Variants in VOPP1 observed in about 807,000 individuals in gnomAD.
VOPP1 encodes the protein WW domain binding protein VOPP1.
In VOPP1, 8 loss-of-function variants were observed where a neutral mutation model predicts 23.5. The ratio of observed to expected loss-of-function variants is 0.34; its 90% CI spans 0.20 to 0.61. The LOEUF is 0.61. Ranked by LOEUF, VOPP1 falls within the 20% of genes least tolerant of loss-of-function variation. The pLI is 0.78. For missense variants in VOPP1, 174 were observed against 238.1 expected (o/e 0.73, Z 1.77); for synonymous variants, 83 against 97.3 (o/e 0.85, Z 0.86).
intron 2 of VOPP1, among the ~76,000 whole-genome samples, chr7:55,510,615 C>G (rs983594562): frequency 6.8e-6 from 1 of 146,636 alleles, no homozygotes; most frequent in Non-Finnish European, 1.5e-5. Flanking sequence ...AACTTAACCA[C>G]TCAGTCAGTA....
chr7:55,536,522 G>A (rs948965882), intron 1 of VOPP1, among the ~76,000 whole-genome samples: 1 of 152,074 alleles, frequency 6.6e-6, no homozygotes, highest in Non-Finnish European at 1.5e-5. Context: ...GTGACACTCT[G>A]TCTCAAACAA....
At chr7:55,537,785 C>T (rs1796889369) in intron 1 of VOPP1, 3 of 1,209,728 alleles carry the variant, frequency 2.5e-6, no homozygotes, top group Non-Finnish European at 3.3e-6. Flanking sequence ...CACCAAGGAA[C>T]ATGCACTTCC....
At chr7:55,516,094 T>C (rs1017991221) in intron 2 of VOPP1, 5 of 825,668 alleles carry the variant, frequency 6.1e-6, no homozygotes, top group Non-Finnish European at 7.3e-6. Flanking sequence ...ACACAGCCAC[T>C]TGCTATTTTT....
At chr7:55,516,046 G>A in intron 2 of VOPP1, 2 of 985,346 alleles carry the variant, frequency 2.0e-6, no homozygotes, top group South Asian at 9.4e-5. Context: ...TCAACTCGAG[G>A]AGAGAATGCA....
intron 4 of VOPP1, among the ~76,000 whole-genome samples, chr7:55,482,341 G>GTCCCTTA (rs1562907538): frequency 8.1e-6 from 1 of 123,836 alleles, no homozygotes. Flanking sequence ...GAGGAAGAAG[G>GTCCCTTA]GAGGTATTTT....
chr7:55,453,244 C>T (rs941080459), intron 4 of VOPP1, among the ~76,000 whole-genome samples: 10 of 152,232 alleles, frequency 6.6e-5, no homozygotes, highest in African/African-American at 2.4e-4. Context: ...TCACCTCTTT[C>T]AGCCTCCATA....
chr7:55,533,881 TGGTG>T (rs1796629862), intron 1 of VOPP1, among the ~76,000 whole-genome samples: 2 of 152,120 alleles, frequency 1.3e-5, no homozygotes, highest in Admixed American at 1.3e-4. Context: ...ACCCAGTGTG[TGGTG>T]GGTGGGTAGG....
intron 4 of VOPP1, among the ~76,000 whole-genome samples, chr7:55,489,269 G>A (rs1793380169): frequency 1.3e-5 from 2 of 152,214 alleles, no homozygotes; most frequent in African/African-American, 4.8e-5. Context: ...CCTGGGATCA[G>A]CCACACCGTT....
intron 4 of VOPP1, among the ~76,000 whole-genome samples, chr7:55,436,645 C>CGTGGGTGGGTGTGTGTGCGTGCGTGG (rs71031855): frequency 6.7e-6 from 1 of 148,992 alleles, no homozygotes; most frequent in Non-Finnish European, 1.5e-5. Flanking sequence ...TGTGTGCGTG[C>CGTGGGTGGGTGTGTGTGCGTGCGTGG]GTGGGTGTGT....
intron 2 of VOPP1, among the ~76,000 whole-genome samples, chr7:55,515,006 G>A (rs1279091255): frequency 1.3e-5 from 2 of 152,174 alleles, no homozygotes; most frequent in Non-Finnish European, 2.9e-5. Context: ...TCTGTCAGCT[G>A]TGGAGGAGCC....
chr7:55,521,580 C>A, intron 1 of VOPP1: 1 of 988,210 alleles, frequency 1.0e-6, no homozygotes, highest in Non-Finnish European at 1.2e-6. Context: ...TTCCGACCTA[C>A]GTCTGCAAGA....
chr7:55,525,795 A>T lies in VOPP1; in HGVS notation c.55-4665T>A, dbSNP rs867419334. Among the ~76,000 whole-genome samples, 1,318 of 144,082 alleles carry T rather than the reference A, an allele frequency of 9.1e-3. 27 individuals carry two copies. The highest frequency in any genetic ancestry group is 0.024 in the African/African-American group (930 of 38,486). 94.5% of individuals were successfully genotyped at this position (144,082 alleles called of 152,430 possible). A position where few individuals can be genotyped will look rare whatever the true frequency, so the allele number is the denominator to read the frequency against. On this transcript the variant is annotated intron_variant, in intron 1 of 4. Transcript: ENST00000285279. ...TAAAAGGAAAAAACCTCTCTAAAAA[A>T]AAAAAAAAAAAAAAAAAAAAACCTT...
At chr7:55,487,527 A>T (rs1427690047) in intron 4 of VOPP1, among the ~76,000 whole-genome samples, 1 of 152,168 alleles carries the variant, frequency 6.6e-6, no homozygotes, top group Non-Finnish European at 1.5e-5. Context: ...GCTTAATCAC[A>T]GTACACTACA....
intron 1 of VOPP1, chr7:55,530,741 A>G (rs1796452372): frequency 6.6e-6 from 1 of 152,196 alleles, no homozygotes; most frequent in Non-Finnish European, 1.5e-5. Context: ...AACTAAAATG[A>G]CTGAATCCAC....
intron 4 of VOPP1, among the ~76,000 whole-genome samples, chr7:55,442,913 G>A (rs1475306918): frequency 1.3e-5 from 2 of 152,014 alleles, no homozygotes; most frequent in African/African-American, 2.4e-5. Context: ...TCAGGAGATC[G>A]AGACCATCCT....
intron 2 of VOPP1, among the ~76,000 whole-genome samples, chr7:55,510,866 C>T (rs1201096327): frequency 6.6e-6 from 1 of 152,086 alleles, no homozygotes; most frequent in Non-Finnish European, 1.5e-5. Context: ...CTCTGCTCCA[C>T]CCCGCTTCAA....
intron 4 of VOPP1, among the ~76,000 whole-genome samples, chr7:55,437,328 T>C (rs1274062305): frequency 6.6e-6 from 1 of 152,214 alleles, no homozygotes; most frequent in East Asian, 1.9e-4. Flanking sequence ...GAGGAACTTA[T>C]TTTGAGTCCT....
intron 4 of VOPP1, among the ~76,000 whole-genome samples, chr7:55,461,212 A>G (rs1278291941): frequency 6.6e-6 from 1 of 152,116 alleles, no homozygotes; most frequent in Non-Finnish European, 1.5e-5. Context: ...AGAATGACAC[A>G]ATGGACTTTG....
chr7:55,436,385 A>G (rs1790822410), intron 4 of VOPP1, among the ~76,000 whole-genome samples: 1 of 152,146 alleles, frequency 6.6e-6, no homozygotes, highest in African/African-American at 2.4e-5. Context: ...GGTAGGTGGG[A>G]GGATTTAAAT....
Sources: allele counts gnomAD v4.1 joint callset (sites outside exome capture counted in the v4.1 genomes callset), GRCh38; gene constraint gnomAD v4.1.1; transcripts MANE v1.5; gene names NCBI Gene and HGNC (gene_info 2026-07-23, HGNC 2026-07-21).